CRYBG1: variants seen among roughly 807,000 people sequenced by gnomAD.
CRYBG1 encodes the protein beta/gamma crystallin domain-containing protein 1.
A neutral mutation model predicts 189.2 loss-of-function variants in CRYBG1; 139 were observed. The ratio of observed to expected loss-of-function variants is 0.73; its 90% CI spans 0.64 to 0.85. The LOEUF (loss-of-function observed/expected upper bound fraction) is 0.85. CRYBG1 is among the 40% of genes least tolerant of loss of function. CRYBG1 has a pLI of 0.00. For synonymous variants in CRYBG1, 1,023 were observed against 1,017.1 expected, an observed-to-expected ratio of 1.01 and a Z score of -0.11; for missense variants, 2,611 against 2,675.8, an observed-to-expected ratio of 0.98 and a Z score of 0.53.
intron 1 of CRYBG1, among the ~76,000 whole-genome samples, chr6:106,431,784 G>A (rs1164177866): frequency 2.0e-5 from 3 of 152,096 alleles, no homozygotes; most frequent in East Asian, 3.9e-4. Flanking sequence ...GAATGTTTCC[G>A]TACCCTACAG....
intron 3 of CRYBG1, among the ~76,000 whole-genome samples, chr6:106,513,465 AG>A (rs1735127947): frequency 6.6e-6 from 1 of 152,258 alleles, no homozygotes; most frequent in Admixed American, 6.5e-5. Flanking sequence ...ACGATCCAGT[AG>A]CTTTGACATG....
At chr6:106,431,881 C>T (rs1394749167) in intron 1 of CRYBG1, among the ~76,000 whole-genome samples, 1 of 152,088 alleles carries the variant, frequency 6.6e-6, no homozygotes, top group African/African-American at 2.4e-5. Flanking sequence ...TTCACAGAAC[C>T]AGATATCGTC....
chr6:106,405,967 TCTC>T (rs1028589365), intron 1 of CRYBG1, among the ~76,000 whole-genome samples: 20 of 152,182 alleles, frequency 1.3e-4, no homozygotes, highest in African/African-American at 4.1e-4. Flanking sequence ...GGACAGCTCT[TCTC>T]CTCCAAAGGA....
At chr6:106,525,079 G>A in intron 4 of CRYBG1, 54 bp from the exon 5 acceptor site, 1 of 1,585,128 alleles carries the variant, frequency 6.3e-7, no homozygotes, top group South Asian at 1.1e-5. Context: ...GGAAAAAGAG[G>A]ATCGTTATGT....
chr6:106,543,101 C>T (rs1195493957), intron 10 of CRYBG1, among the ~76,000 whole-genome samples: 4 of 151,220 alleles, frequency 2.6e-5, no homozygotes, highest in Non-Finnish European at 4.4e-5. Context: ...GACGTGATCT[C>T]GGCTCACTTA....
intron 1 of CRYBG1, among the ~76,000 whole-genome samples, chr6:106,381,103 A>G (rs1433137800): frequency 6.6e-6 from 1 of 152,204 alleles, no homozygotes; most frequent in Non-Finnish European, 1.5e-5. Flanking sequence ...ATGTTTGATG[A>G]TCACTTTACA....
intron 13 of CRYBG1, among the ~76,000 whole-genome samples, chr6:106,549,016 C>T (rs185467114): frequency 0.033 from 4,964 of 150,754 alleles, 263 homozygotes; most frequent in East Asian, 0.19. Context: ...TCCTTGCGAT[C>T]GTTTGCTGAG....
In CRYBG1 at chr6:106,520,849, TG is replaced by T; in HGVS notation, c.3643del (p.Val1215Ter). ...AACACTAATGGGAACAGTGAGCCTCTGGTGATGCCGGAAATCAATGACAAAG... is the reference window on the plus strand; with the variant it reads ...AACACTAATGGGAACAGTGAGCCTCTGTGATGCCGGAAATCAATGACAAAG... Reference protein sequence around the residue: ...HTNTNGNSEPLVMPEINDKEN... With the variant: ...HTNTNGNSEPXVMPEINDKEN... On this transcript the variant is annotated frameshift_variant, in exon 4 of 22. Transcript: ENST00000633556. LOFTEE classifies it high-confidence loss of function. 2 of 1,614,172 alleles carry T rather than the reference TG, an allele frequency of 1.2e-6. No homozygotes were observed. Among genetic ancestry groups the T allele is most frequent in the Non-Finnish European group, 1.7e-6 (2 of 1,180,028 alleles).
intron 1 of CRYBG1, among the ~76,000 whole-genome samples, chr6:106,404,651 G>T (rs1403963710): frequency 6.6e-6 from 1 of 152,146 alleles, no homozygotes; most frequent in Non-Finnish European, 1.5e-5. Context: ...CACAGAAGGT[G>T]GGTGATTTCT....
At chr6:106,568,447 CTTT>C in intron 21 of CRYBG1, 22 bp from the exon 22 acceptor site, 1 of 1,573,558 alleles carries the variant, frequency 6.4e-7, no homozygotes, top group African/African-American at 1.3e-5. Flanking sequence ...GTACATTCAT[CTTT>C]TATTATTTTC....
At position 106,568,580 on chromosome 6, in the gene CRYBG1, AAG is replaced by A; in HGVS notation, c.*16_*17del. The A allele has an allele frequency of 6.3e-7, 1 of 1,586,214 alleles. No homozygotes were observed. Among genetic ancestry groups the A allele is most frequent in the African/African-American group, 1.3e-5 (1 of 74,370 alleles). On this transcript the variant is annotated 3_prime_UTR_variant, in exon 22 of 22. Transcript: ENST00000633556. Reference sequence around the variant, plus strand: ...CTATATACCTGAACAAAGAAGGAAGAAGAATCTTCTGGAGGTCCTTCCAGCCA... The same window carrying A: ...CTATATACCTGAACAAAGAAGGAAGAAATCTTCTGGAGGTCCTTCCAGCCA...
intron 2 of CRYBG1, among the ~76,000 whole-genome samples, chr6:106,500,726 T>G (rs1258631456): frequency 6.6e-6 from 1 of 152,214 alleles, no homozygotes; most frequent in Non-Finnish European, 1.5e-5. Flanking sequence ...AAATATGTAT[T>G]TATTTCATGG....
intron 2 of CRYBG1, among the ~76,000 whole-genome samples, chr6:106,491,954 G>T (rs1392287115): frequency 6.6e-6 from 1 of 151,690 alleles, no homozygotes; most frequent in African/African-American, 2.4e-5. Flanking sequence ...ACTCCAGTTC[G>T]ACCCCTGTGC....
chr6:106,497,782 T>C (rs1022653), intron 2 of CRYBG1, among the ~76,000 whole-genome samples: 103,701 of 152,144 alleles, frequency 0.68, 36,015 homozygotes, highest in African/African-American at 0.82. Context: ...ACTTGGCACA[T>C]GCAGGTTCTT....
chr6:106,506,642 G>A (rs980650620), intron 2 of CRYBG1, among the ~76,000 whole-genome samples: 15 of 151,490 alleles, frequency 9.9e-5, no homozygotes, highest in Non-Finnish European at 1.6e-4. Flanking sequence ...TAGTAGAGAC[G>A]GGGTTTCACC....
At chr6:106,568,063 C>A (rs1189569264) in intron 21 of CRYBG1, among the ~76,000 whole-genome samples, 2 of 106,998 alleles carry the variant, frequency 1.9e-5, no homozygotes, top group African/African-American at 9.6e-5. Context: ...CCTGCTCTTT[C>A]CTCGCTGGTG....
In CRYBG1 at chr6:106,512,759, C is replaced by T; in HGVS notation, c.1642C>T (p.Pro548Ser). 6.3e-7 allele frequency: 1 copy of T among 1,576,760 alleles called. No individual in the cohort carries two copies. Among genetic ancestry groups the T allele is most frequent in the South Asian group, 1.2e-5 (1 of 86,676 alleles). Residue 548 changes from proline to serine, a missense_variant, in exon 3 of 22, where the codon CCC becomes TCC. Coordinates refer to ENST00000633556, the MANE Select transcript of CRYBG1 (RefSeq NM_001371242.2). ...KESPPKRVPD[P>S]SPVTKGTAAE... ...GTCCCCACCCAAGAGGGTGCCCGATCCCAGCCCAGTCACCAAGGGCACTGC... is the reference window on the plus strand; with the variant it reads ...GTCCCCACCCAAGAGGGTGCCCGATTCCAGCCCAGTCACCAAGGGCACTGC...
chr6:106,504,472 T>C (rs991058981), intron 2 of CRYBG1, among the ~76,000 whole-genome samples: 1 of 152,162 alleles, frequency 6.6e-6, no homozygotes, highest in Non-Finnish European at 1.5e-5. Flanking sequence ...CAGAGGTTCA[T>C]AGTTCTGTCT....
intron 1 of CRYBG1, among the ~76,000 whole-genome samples, chr6:106,433,609 C>G (rs1397599322): frequency 6.6e-6 from 1 of 151,332 alleles, no homozygotes; most frequent in Non-Finnish European, 1.5e-5. Context: ...GTTTGAAGTT[C>G]ATGATATTTC....
Sources: allele counts gnomAD v4.1 joint callset (sites outside exome capture counted in the v4.1 genomes callset), GRCh38; gene constraint gnomAD v4.1.1; transcripts MANE v1.5; gene names NCBI Gene and HGNC (gene_info 2026-07-23, HGNC 2026-07-21).